DOCK1: variants seen among roughly 807,000 people sequenced by gnomAD.
DOCK1 encodes the protein dedicator of cytokinesis protein 1.
DOCK1 carries 138 observed loss-of-function variants against 262.7 expected under a neutral mutation model. The observed-to-expected ratio is 0.53, with a 90% confidence interval of 0.46 to 0.61. The LOEUF (loss-of-function observed/expected upper bound fraction) is 0.61, where lower values mean the gene tolerates loss of function less well. Among genes scored for constraint, DOCK1 ranks in the 20% least tolerant of loss-of-function variants. The pLI, the probability that DOCK1 is intolerant of heterozygous loss-of-function variation, is 0.00. For synonymous variants in DOCK1, 866 were observed against 867.4 expected (o/e 1.00, Z 0.03); for missense variants, 1,908 against 2,370.7 (o/e 0.80, Z 4.05).
Position 127,282,219 on chromosome 10 carries a change from TTCTC to T in DOCK1, c.3044+24804_3044+24807del, listed in dbSNP as rs547977341. On this transcript the variant is annotated intron_variant, in intron 29 of 51. Coordinates refer to ENST00000623213, the MANE Select transcript of DOCK1 (RefSeq NM_001290223.2). ...GCACTCTTGTGTTCTCTCTCTCTCTTTCTCTCTCTCTCTCTCTGTCTGTCTCTTT... is the reference window on the plus strand; with the variant it reads ...GCACTCTTGTGTTCTCTCTCTCTCTTTCTCTCTCTCTCTGTCTGTCTCTTT... 1.3e-3 allele frequency among the ~76,000 whole-genome samples: 196 copies of T among 149,208 alleles called. 2 individuals carry two copies. The highest frequency in any genetic ancestry group is 4.2e-3 in the African/African-American group (171 of 40,736).
chr10:127,223,104 A>G (rs1212436169), intron 27 of DOCK1, among the ~76,000 whole-genome samples: 2 of 152,194 alleles, frequency 1.3e-5, no homozygotes, highest in Admixed American at 6.5e-5. Context: ...ATTTTGTGTT[A>G]CCATGTCACA....
chr10:127,248,576 C>T (rs1171203328), intron 28 of DOCK1, among the ~76,000 whole-genome samples: 2 of 152,180 alleles, frequency 1.3e-5, no homozygotes, highest in African/African-American at 4.8e-5. Flanking sequence ...CTCTAGTCAT[C>T]CTCAGTAAAA....
chr10:127,302,739 GGGGTGTGTGTGTGTGTGTGT>G (rs1225000016), intron 29 of DOCK1, among the ~76,000 whole-genome samples: 24 of 124,534 alleles, frequency 1.9e-4, no homozygotes, highest in Admixed American at 1.5e-3. Flanking sequence ...TGGAAAAGAG[GGGGTGTGTGTGTGTGTGTGT>G]GTGTGTGTGT....
At position 127,426,979 on chromosome 10, in the gene DOCK1, C is replaced by T. The variant is rs562214089; in HGVS notation, c.4914+968C>T. On this transcript the variant is annotated intron_variant, in intron 47 of 51. Coordinates refer to ENST00000623213, the MANE Select transcript of DOCK1 (RefSeq NM_001290223.2). Reference sequence around the variant, plus strand: ...AAGCCAGGCACCGTGAGTCACAGTGCTGCCCTGCTTTGCAGCTCAGAGTGG... The same window carrying T: ...AAGCCAGGCACCGTGAGTCACAGTGTTGCCCTGCTTTGCAGCTCAGAGTGG... 6.6e-5 allele frequency among the ~76,000 whole-genome samples: 10 copies of T among 152,330 alleles called. No homozygotes were observed. In the South Asian group the frequency reaches 2.1e-3, roughly 32 times the overall value.
Position 127,008,778 on chromosome 10 carries a change from T to A in DOCK1, c.1032T>A (p.Asp344Glu), listed in dbSNP as rs1473863313. 6.2e-7 allele frequency: 1 copy of A among 1,601,176 alleles called. No homozygotes were observed. Among genetic ancestry groups the A allele is most frequent in the East Asian group, 2.2e-5 (1 of 44,626 alleles). Residue 344 changes from aspartate to glutamate, a missense_variant, in exon 11 of 52, where the codon GAT becomes GAA. Coordinates refer to ENST00000623213, the MANE Select transcript of DOCK1 (RefSeq NM_001290223.2). ...TAAATGGAAAAGTAGATGATGAAGA[T>A]AAGCAGCATTTCATTCCCTTTCAGC... ...DIINGKVDDE[D>E]KQHFIPFQPL...
intron 27 of DOCK1, among the ~76,000 whole-genome samples, chr10:127,199,546 A>G (rs1194602145): frequency 6.6e-6 from 1 of 152,202 alleles, no homozygotes; most frequent in African/African-American, 2.4e-5. Flanking sequence ...ATGCTTTGGC[A>G]TGGAGGGCTT....
At chr10:127,336,750 A>G (rs377542486) in intron 29 of DOCK1, among the ~76,000 whole-genome samples, 121 of 152,254 alleles carry the variant, frequency 7.9e-4, no homozygotes, top group East Asian at 6.8e-3. Flanking sequence ...TGTGTTAGCC[A>G]GGATGGTCTC....
At chr10:127,387,517 AT>A (rs2066196675) in intron 38 of DOCK1, among the ~76,000 whole-genome samples, 1 of 152,126 alleles carries the variant, frequency 6.6e-6, no homozygotes, top group Admixed American at 6.5e-5. Context: ...CTCAGCTTAA[AT>A]GTCACCTGTT....
intron 31 of DOCK1, 90 bp downstream of exon 31, chr10:127,343,836 A>C (rs2063524693): frequency 9.4e-7 from 1 of 1,067,136 alleles, no homozygotes; most frequent in Non-Finnish European, 1.4e-6. Context: ...AACTTGATAC[A>C]AATTGAGATG....
At chr10:127,207,366 G>C (rs2057772684) in intron 27 of DOCK1, among the ~76,000 whole-genome samples, 1 of 152,150 alleles carries the variant, frequency 6.6e-6, no homozygotes, top group Non-Finnish European at 1.5e-5. Flanking sequence ...GAAGTTGGGG[G>C]GTGATTAGGA....
chr10:127,135,221 T>C (rs1007671433), intron 27 of DOCK1, among the ~76,000 whole-genome samples: 11 of 152,136 alleles, frequency 7.2e-5, no homozygotes, highest in Non-Finnish European at 1.6e-4. Context: ...CCAGGGTGCA[T>C]AGGTGGGCAA....
chr10:127,067,615 C>A (rs937832952), intron 23 of DOCK1, among the ~76,000 whole-genome samples: 3 of 151,952 alleles, frequency 2.0e-5, no homozygotes, highest in African/African-American at 7.3e-5. Context: ...TGCATTCTGG[C>A]ATTTTCTAGT....
chr10:126,976,736 T>G (rs1255513423), intron 2 of DOCK1, among the ~76,000 whole-genome samples: 1 of 151,222 alleles, frequency 6.6e-6, no homozygotes, highest in Non-Finnish European at 1.5e-5. Flanking sequence ...GATTTGTCTT[T>G]AAGCTTTTTT....
chr10:127,427,478 A>G (rs920372219), intron 47 of DOCK1, among the ~76,000 whole-genome samples: 4 of 152,168 alleles, frequency 2.6e-5, no homozygotes, highest in Non-Finnish European at 5.9e-5. Context: ...AGTGCTGTAT[A>G]GATACTCAGT....
chr10:126,906,673 G>T (rs1051876129), intron 1 of DOCK1, among the ~76,000 whole-genome samples: 12 of 152,192 alleles, frequency 7.9e-5, no homozygotes, highest in African/African-American at 2.9e-4. Flanking sequence ...TGCCTGGCCC[G>T]TGCTGGACCT....
intron 23 of DOCK1, among the ~76,000 whole-genome samples, chr10:127,087,746 G>A (rs887561833): frequency 5.3e-5 from 8 of 152,132 alleles, no homozygotes; most frequent in Non-Finnish European, 7.4e-5. Context: ...CCATTTACCC[G>A]AAGTAGAACC....
chr10:127,208,967 A>C (rs2057847492), intron 27 of DOCK1, among the ~76,000 whole-genome samples: 1 of 152,334 alleles, frequency 6.6e-6, no homozygotes, highest in South Asian at 2.1e-4. Flanking sequence ...AGTGGTCGTT[A>C]ATACAGCCTC....
chr10:127,437,284 A>G lies in DOCK1; in HGVS notation c.5061-1743A>G, dbSNP rs1261266226. Among the ~76,000 whole-genome samples the G allele has an allele frequency of 6.6e-6, 1 of 152,160 alleles. No homozygotes were observed. Among genetic ancestry groups the G allele is most frequent in the Non-Finnish European group, 1.5e-5 (1 of 68,022 alleles). ...CTGCAGCAGATCCTACTGCACAGCCATATTAGATGAGAGAAGCAAAGAATA... is the reference window on the plus strand; with the variant it reads ...CTGCAGCAGATCCTACTGCACAGCCGTATTAGATGAGAGAAGCAAAGAATA... On this transcript the variant is annotated intron_variant, in intron 48 of 51. Coordinates refer to ENST00000623213, the MANE Select transcript of DOCK1 (RefSeq NM_001290223.2). This position sits in a 1 kb window ranked among gnomAD's most constrained non-coding sequence, Gnocchi z 4.4.
intron 29 of DOCK1, among the ~76,000 whole-genome samples, chr10:127,327,219 C>G (rs749355959): frequency 6.6e-5 from 10 of 152,210 alleles, no homozygotes; most frequent in Admixed American, 1.3e-4. Flanking sequence ...GAATTGACTT[C>G]TTCTCCCTAA....
Sources: allele counts gnomAD v4.1 joint callset (sites outside exome capture counted in the v4.1 genomes callset), GRCh38; gene constraint gnomAD v4.1.1; non-coding constraint Gnocchi (gnomAD v3.1); transcripts MANE v1.5; gene names NCBI Gene and HGNC (gene_info 2026-07-23, HGNC 2026-07-21).